PHACTR1: variants seen among roughly 807,000 people sequenced by gnomAD.
PHACTR1 encodes the protein phosphatase and actin regulator 1.
A neutral mutation model predicts 69.2 loss-of-function variants in PHACTR1; 16 were observed. The ratio of observed to expected loss-of-function variants is 0.23; its 90% CI spans 0.16 to 0.35. The LOEUF is 0.35. Ranked by LOEUF, PHACTR1 falls within the 10% of genes least tolerant of loss-of-function variation. The pLI, the probability that PHACTR1 is intolerant of heterozygous loss-of-function variation, is 1.00. For missense variants in PHACTR1, 510 were observed against 734.7 expected, an observed-to-expected ratio of 0.69 and a Z score of 3.54; for synonymous variants, 312 against 284.5, an observed-to-expected ratio of 1.10 and a Z score of -0.97.
intron 3 of PHACTR1, among the ~76,000 whole-genome samples, chr6:12,725,396 C>A (rs1440527932): frequency 6.6e-6 from 1 of 152,176 alleles, no homozygotes; most frequent in African/African-American, 2.4e-5. Flanking sequence ...TACAGGGAGA[C>A]CCAGCCCCAT....
chr6:12,844,658 G>A (rs957121237), intron 4 of PHACTR1, among the ~76,000 whole-genome samples: 2 of 151,954 alleles, frequency 1.3e-5, no homozygotes, highest in Admixed American at 6.6e-5. Context: ...GCATTATAAA[G>A]CACAGAGAAA....
At chr6:12,921,774 GAGAAA>G (rs1787722295) in intron 4 of PHACTR1, among the ~76,000 whole-genome samples, 1 of 138,432 alleles carries the variant, frequency 7.2e-6, no homozygotes, top group Non-Finnish European at 1.6e-5. Flanking sequence ...AAGGAAGGGA[GAGAAA>G]CAGGGAGGGA....
chr6:13,228,201 C>T (rs898546158), intron 9 of PHACTR1, 138 bp downstream of exon 9: 1 of 1,067,870 alleles, frequency 9.4e-7, no homozygotes, highest in African/African-American at 1.6e-5. Context: ...CGTAGGGCAG[C>T]TTAGTCTACC....
chr6:12,720,211 G>T (rs1318604751), intron 3 of PHACTR1, among the ~76,000 whole-genome samples: 5 of 152,188 alleles, frequency 3.3e-5, no homozygotes, highest in South Asian at 4.1e-4. Context: ...TCCTTCTCCA[G>T]TCTCAAGGTC....
chr6:12,869,971 A>T (rs1001544940), intron 4 of PHACTR1, among the ~76,000 whole-genome samples: 2 of 152,202 alleles, frequency 1.3e-5, no homozygotes, highest in Non-Finnish European at 2.9e-5. Context: ...GTGACCTTAG[A>T]TAACCTTATG....
chr6:13,263,322 A>T (rs2127424651), intron 10 of PHACTR1, among the ~76,000 whole-genome samples: 1 of 141,498 alleles, frequency 7.1e-6, no homozygotes, highest in South Asian at 2.3e-4. Context: ...GGTCACCAGT[A>T]GAGACAGCAT....
chr6:12,848,697 A>T (rs1441811831), intron 4 of PHACTR1, among the ~76,000 whole-genome samples: 1 of 152,234 alleles, frequency 6.6e-6, no homozygotes, highest in African/African-American at 2.4e-5. Flanking sequence ...GAACTTGAGC[A>T]AAAATGAGGA....
At chr6:13,154,091 T>A (rs1213655664) in intron 5 of PHACTR1, among the ~76,000 whole-genome samples, 1 of 152,234 alleles carries the variant, frequency 6.6e-6, no homozygotes, top group Non-Finnish European at 1.5e-5. Flanking sequence ...AATCCAGTTT[T>A]ATAACCAAAT....
chr6:12,800,143 A>G (rs566200710), intron 4 of PHACTR1, among the ~76,000 whole-genome samples: 35 of 152,348 alleles, frequency 2.3e-4, no homozygotes, highest in African/African-American at 7.7e-4. Context: ...TAGAACAGTC[A>G]TATAAGCAAG....
chr6:12,968,613 A>T (rs1342554562), intron 4 of PHACTR1, among the ~76,000 whole-genome samples: 2 of 152,240 alleles, frequency 1.3e-5, no homozygotes, highest in East Asian at 3.8e-4. Context: ...TTAAGGAGTA[A>T]CTAAATTCAT....
At chr6:12,919,444 A>G (rs1412669844) in intron 4 of PHACTR1, among the ~76,000 whole-genome samples, 1 of 152,146 alleles carries the variant, frequency 6.6e-6, no homozygotes, top group Non-Finnish European at 1.5e-5. Context: ...CCCGGCCTAT[A>G]AAGACTTTTA....
At chr6:13,000,142 G>A (rs1272072657) in intron 4 of PHACTR1, among the ~76,000 whole-genome samples, 4 of 152,296 alleles carry the variant, frequency 2.6e-5, no homozygotes, top group Non-Finnish European at 4.4e-5. Context: ...CAAGAAAGAG[G>A]CTCCAGAAAG....
At chr6:12,792,464 CAAAAAAAAAAAAAAA>C (rs60942588) in intron 4 of PHACTR1, among the ~76,000 whole-genome samples, 1,053 of 31,456 alleles carry the variant, frequency 0.033, 51 homozygotes, top group Middle Eastern at 0.077. Flanking sequence ...AACTCCATGT[CAAAAAAAAAAAAAAA>C]AAAAAAAAAA....
chr6:13,011,544 T>C (rs1176220662), intron 4 of PHACTR1, among the ~76,000 whole-genome samples: 1 of 152,202 alleles, frequency 6.6e-6, no homozygotes, highest in South Asian at 2.1e-4. Flanking sequence ...TTTGGTATGA[T>C]ACAATCACAA....
At chr6:12,750,081 G>C (rs1241648779) in intron 4 of PHACTR1, among the ~76,000 whole-genome samples, 1 of 152,132 alleles carries the variant, frequency 6.6e-6, no homozygotes, top group African/African-American at 2.4e-5. Flanking sequence ...CCCGGAGCCC[G>C]GGCCGCGCGC....
At chr6:13,067,057 G>A (rs1267757023) in intron 5 of PHACTR1, among the ~76,000 whole-genome samples, 1 of 152,206 alleles carries the variant, frequency 6.6e-6, no homozygotes, top group Middle Eastern at 3.2e-3. Context: ...CAAGACAACA[G>A]CTGCTCCTTG....
chr6:13,279,745 T>C (rs1779740032), intron 12 of PHACTR1: 1 of 152,230 alleles, frequency 6.6e-6, no homozygotes, highest in Non-Finnish European at 1.5e-5. Context: ...CCCGTCAAGG[T>C]TGGACCCTTT....
intron 3 of PHACTR1, among the ~76,000 whole-genome samples, chr6:12,737,740 G>A (rs941015224): frequency 8.6e-5 from 13 of 151,926 alleles, no homozygotes; most frequent in African/African-American, 2.9e-4. Context: ...GACTACAGGC[G>A]TGTGCCACCA....
At chr6:12,916,479 T>A (rs934675344) in intron 4 of PHACTR1, among the ~76,000 whole-genome samples, 1 of 152,184 alleles carries the variant, frequency 6.6e-6, no homozygotes, top group African/African-American at 2.4e-5. Context: ...GATACAATAT[T>A]TTAAATGACT....
Sources: allele counts gnomAD v4.1 joint callset (sites outside exome capture counted in the v4.1 genomes callset), GRCh38; gene constraint gnomAD v4.1.1; transcripts MANE v1.5; gene names NCBI Gene and HGNC (gene_info 2026-07-23, HGNC 2026-07-21).